RAF1: variants seen among roughly 807,000 people sequenced by gnomAD.
The protein encoded by RAF1 is RAF proto-oncogene serine/threonine-protein kinase.
In RAF1, 27 loss-of-function variants were observed where a neutral mutation model predicts 81.1. The ratio of observed to expected loss-of-function variants is 0.33; its 90% confidence interval spans 0.25 to 0.46. RAF1 has a LOEUF of 0.46. Ranked by LOEUF, RAF1 falls within the 20% of genes least tolerant of loss-of-function variation. The probability of loss-of-function intolerance (pLI) is 1.00; values close to 1 mark genes in which losing one functional copy is unlikely to be tolerated. For synonymous variants in RAF1, 298 were observed against 294.0 expected (o/e 1.01, Z -0.14); for missense variants, 598 against 826.0 (o/e 0.72, Z 3.38).
At chr3:12,594,111 G>A (rs2058612080) in intron 11 of RAF1, among the ~76,000 whole-genome samples, 1 of 152,152 alleles carries the variant, frequency 6.6e-6, no homozygotes, top group South Asian at 2.1e-4. Context: ...ACCTGTAGGA[G>A]AGAAAGAGGG....
chr3:12,601,366 C>T (rs2058855997), intron 8 of RAF1, among the ~76,000 whole-genome samples: 2 of 152,176 alleles, frequency 1.3e-5, no homozygotes, highest in Non-Finnish European at 2.9e-5. Flanking sequence ...AAATCGGTTA[C>T]ATTCTCCTCA....
rs1280605436 is a variant in RAF1, at chr3:12,600,381, A to G, written c.922+7T>C. On this transcript the variant is annotated splice_region_variant and intron_variant, in intron 9 of 17. Transcript: ENST00000442415. ...TTATTGTTGGCTAAATGACTATGGA[A>G]AAGTACCTGATTCGCTGTGACTTCG... The G allele has an allele frequency of 6.2e-7, 1 of 1,614,118 alleles. No individual in the cohort carries two copies. Among genetic ancestry groups the G allele is most frequent in the Non-Finnish European group, 8.5e-7 (1 of 1,180,044 alleles).
intron 9 of RAF1, 53 bp from the exon 9 acceptor site, chr3:12,600,332 C>T (rs2058823068): frequency 6.2e-7 from 1 of 1,613,952 alleles, no homozygotes; most frequent in African/African-American, 1.3e-5. Flanking sequence ...ACAGAAGATA[C>T]ACCGCATAAA....
At chr3:12,626,045 C>T (rs1316602982) in intron 1 of RAF1, among the ~76,000 whole-genome samples, 1 of 151,278 alleles carries the variant, frequency 6.6e-6, no homozygotes, top group Admixed American at 6.6e-5. Context: ...ACAGGCAGAT[C>T]ACCTGAGGTC....
At chr3:12,626,119 T>C (rs1222802767) in intron 1 of RAF1, among the ~76,000 whole-genome samples, 1 of 150,464 alleles carries the variant, frequency 6.6e-6, no homozygotes, top group Non-Finnish European at 1.5e-5. Context: ...TACAAAAAAT[T>C]AGCCAAGCGT....
intron 1 of RAF1, among the ~76,000 whole-genome samples, chr3:12,662,098 G>A (rs1392833947): frequency 2.6e-5 from 4 of 151,794 alleles, no homozygotes; most frequent in Admixed American, 2.6e-4. Flanking sequence ...GGAGGGAGAG[G>A]TGGAAGCAGG....
rs139122089 is a variant in RAF1, at chr3:12,623,047, C to A, written c.-26-4300G>T. The stretch of plus-strand genomic sequence containing the variant: ...ACAAAAACAGTATTTTGTTTTCCAG[C>A]AAGATGAACTGTAATAAATTTTATT... On this transcript the variant is annotated intron_variant, in intron 1 of 17. Coordinates refer to ENST00000442415, the MANE Select transcript of RAF1 (RefSeq NM_001354689.3). 1.6e-3 allele frequency among the ~76,000 whole-genome samples: 248 copies of A among 152,066 alleles called. 1 individual carries two copies. The highest frequency in any genetic ancestry group is 5.8e-3 in the African/African-American group (239 of 41,480).
chr3:12,617,048 C>T (rs2059390655), intron 2 of RAF1, among the ~76,000 whole-genome samples: 2 of 152,210 alleles, frequency 1.3e-5, no homozygotes, highest in South Asian at 4.1e-4. Context: ...CATCCTCCCA[C>T]CTCAGCCTCC....
chr3:12,586,663 T>C (rs960505789), intron 14 of RAF1, among the ~76,000 whole-genome samples: 13 of 152,210 alleles, frequency 8.5e-5, no homozygotes, highest in Non-Finnish European at 1.5e-5. Flanking sequence ...TAATGCCATC[T>C]TTCTTTCACA....
At chr3:12,600,516 T>C (rs1291649352) in intron 8 of RAF1, 101 bp from the exon 8 acceptor site, 2 of 1,207,372 alleles carry the variant, frequency 1.7e-6, no homozygotes, top group South Asian at 2.6e-5. Flanking sequence ...AAATAGATTA[T>C]AAAAACCTCT....
In RAF1 at chr3:12,651,121, G is replaced by C. The variant is rs180916336; in HGVS notation, c.-27+12692C>G. 3.2e-4 allele frequency among the ~76,000 whole-genome samples: 49 copies of C among 152,182 alleles called. 1 individual carries two copies. The highest frequency in any genetic ancestry group is 6.5e-4 in the Admixed American group (10 of 15,296). On this transcript the variant is annotated intron_variant, in intron 1 of 17. Coordinates refer to ENST00000442415, the MANE Select transcript of RAF1 (RefSeq NM_001354689.3). Reference sequence around the variant, plus strand: ...TTTACAAAGGCACTCATTATAAATAGCAAGCCTTTTTACTTCTAAAATGTT... The same window carrying C: ...TTTACAAAGGCACTCATTATAAATACCAAGCCTTTTTACTTCTAAAATGTT...
chr3:12,599,763 C>T lies in RAF1; in HGVS notation c.1096G>A (p.Ala366Thr), dbSNP rs2125378129. The T allele has an allele frequency of 6.2e-7, 1 of 1,614,138 alleles. No homozygotes were observed. The change falls in exon 11 of 18, where the codon GCC (alanine) becomes ACC (threonine). Residue 366 changes from alanine to threonine, a missense_variant. Physicochemically the swap from Ala to Thr is moderately conservative, Grantham distance 58. Coordinates refer to ENST00000442415, the MANE Select transcript of RAF1 (RefSeq NM_001354689.3). ...CGAGTGGACAGCATCACTTCACTGG[C>T]TTCTATTTCCCAATAATAGCTTGAA... is the stretch of plus-strand genomic sequence containing the variant.
chr3:12,632,375 A>G (rs2059891799), intron 1 of RAF1, among the ~76,000 whole-genome samples: 1 of 149,696 alleles, frequency 6.7e-6, no homozygotes, highest in Admixed American at 6.7e-5. Flanking sequence ...AAATAAACTT[A>G]TTTTCTGAAG....
chr3:12,609,049 T>C (rs5746203), intron 4 of RAF1, 126 bp from the exon 5 acceptor site: 2 of 1,184,630 alleles, frequency 1.7e-6, no homozygotes, highest in Admixed American at 2.0e-5. Flanking sequence ...ACAGAATTCA[T>C]AATCACAAAT....
At chr3:12,600,697 G>A (rs530762540) in intron 8 of RAF1, among the ~76,000 whole-genome samples, 34 of 152,292 alleles carry the variant, frequency 2.2e-4, no homozygotes, top group African/African-American at 8.2e-4. Flanking sequence ...GAGTAGCTGG[G>A]ATTACAGGTG....
chr3:12,599,908 C>G, intron 10 of RAF1, 100 bp from the exon 10 acceptor site: 6 of 1,216,636 alleles, frequency 4.9e-6, no homozygotes, highest in Non-Finnish European at 7.3e-6. Flanking sequence ...GTTTCCATAT[C>G]TTTTAAAGAT....
chr3:12,641,928 C>G (rs2060199540), intron 1 of RAF1, among the ~76,000 whole-genome samples: 1 of 151,674 alleles, frequency 6.6e-6, no homozygotes, highest in African/African-American at 2.4e-5. Flanking sequence ...GGTGGATCAT[C>G]TGAGGTCAGG....
chr3:12,631,582 C>G (rs4684868), intron 1 of RAF1, among the ~76,000 whole-genome samples: 128,676 of 152,252 alleles, frequency 0.85, 54,836 homozygotes, highest in African/African-American at 0.95. Context: ...CTAGGCGACA[C>G]AGTGAGACTC....
chr3:12,602,818 G>A (rs779878806), intron 8 of RAF1, among the ~76,000 whole-genome samples: 2 of 152,198 alleles, frequency 1.3e-5, no homozygotes, highest in Non-Finnish European at 2.9e-5. Flanking sequence ...AGGTCTGAAT[G>A]AGATAAACTG....
Sources: allele counts gnomAD v4.1 joint callset (sites outside exome capture counted in the v4.1 genomes callset), GRCh38; gene constraint gnomAD v4.1.1; transcripts MANE v1.5; gene names NCBI Gene and HGNC (gene_info 2026-07-23, HGNC 2026-07-21).